BANP: variants seen among roughly 807,000 people sequenced by gnomAD.
BANP encodes BTG3 associated nuclear protein, also known as protein BANP.
Under a neutral mutation model 68.1 loss-of-function variants are expected in BANP, and 11 were observed. The observed-to-expected ratio is 0.16, with a 90% CI of 0.10 to 0.27. The LOEUF is 0.27. Ranked by LOEUF, BANP falls within the 10% of genes least tolerant of loss-of-function variation. The probability of loss-of-function intolerance (pLI) is 1.00; values close to 1 mark genes in which losing one functional copy is unlikely to be tolerated. For synonymous variants in BANP, 329 were observed against 303.2 expected (o/e 1.09, Z -0.88); for missense variants, 504 against 722.7 (o/e 0.70, Z 3.47).
intron 4 of BANP, among the ~76,000 whole-genome samples, chr16:87,996,578 G>T (rs1414385269): frequency 1.4e-5 from 2 of 146,548 alleles, no homozygotes; most frequent in Non-Finnish European, 3.0e-5. Context: ...TCTGAGTGTT[G>T]CTGGGCCCTC....
At chr16:88,024,824 A>AAT (rs1567790883) in intron 7 of BANP, among the ~76,000 whole-genome samples, 1 of 152,218 alleles carries the variant, frequency 6.6e-6, no homozygotes, top group East Asian at 1.9e-4. Context: ...TAACCAGATG[A>AAT]ATATATATTT....
At chr16:88,054,502 C>T (rs974226637) in intron 11 of BANP, among the ~76,000 whole-genome samples, 6 of 152,092 alleles carry the variant, frequency 3.9e-5, no homozygotes, top group African/African-American at 9.7e-5. Context: ...CACAGCATGA[C>T]CTCTACCACC....
intron 3 of BANP, among the ~76,000 whole-genome samples, chr16:87,983,548 G>T (rs1450786096): frequency 1.3e-5 from 2 of 152,062 alleles, no homozygotes; most frequent in South Asian, 4.2e-4. Flanking sequence ...CCACTAGGTG[G>T]CAAGCTTGCC....
At chr16:88,029,668 C>T (rs1159868039) in intron 8 of BANP, among the ~76,000 whole-genome samples, 1 of 150,968 alleles carries the variant, frequency 6.6e-6, no homozygotes, top group Non-Finnish European at 1.5e-5. Flanking sequence ...CTAGCAGGAA[C>T]CAGATTGAAT....
intron 7 of BANP, among the ~76,000 whole-genome samples, chr16:88,021,872 CTTAT>C (rs1488629312): frequency 1.3e-5 from 2 of 152,138 alleles, no homozygotes; most frequent in Non-Finnish European, 2.9e-5. Flanking sequence ...TAAGTTTCTC[CTTAT>C]TTGTCAGCAG....
chr16:87,962,239 CAAAA>C (rs10660621), intron 1 of BANP, among the ~76,000 whole-genome samples: 1 of 79,778 alleles, frequency 1.3e-5, no homozygotes, highest in Non-Finnish European at 2.3e-5. Flanking sequence ...GACTTGGTCT[CAAAA>C]AAAAAAAAAA....
At chr16:87,977,405 C>T (rs1386853014) in intron 2 of BANP, among the ~76,000 whole-genome samples, 2 of 143,914 alleles carry the variant, frequency 1.4e-5, no homozygotes, top group Middle Eastern at 3.3e-3. Flanking sequence ...GGCGACAGAG[C>T]GAGACTCCGT....
chr16:87,980,930 T>A, intron 2 of BANP, 106 bp from the exon 3 acceptor site: 1 of 739,712 alleles, frequency 1.4e-6, no homozygotes, highest in Non-Finnish European at 2.3e-6. Flanking sequence ...GTTCTGCTGT[T>A]TCTCCTTCAA....
intron 11 of BANP, among the ~76,000 whole-genome samples, chr16:88,042,403 C>T (rs145406591): frequency 0.12 from 18,108 of 152,250 alleles, 1,264 homozygotes; most frequent in South Asian, 0.33. Context: ...CCTCCAGGAG[C>T]GCTCACTTCC....
At chr16:88,025,967 C>A (rs138580630) in intron 7 of BANP, among the ~76,000 whole-genome samples, 1 of 152,240 alleles carries the variant, frequency 6.6e-6, no homozygotes. Context: ...TGCCCACATT[C>A]GTCATCGCTA....
intron 2 of BANP, among the ~76,000 whole-genome samples, chr16:87,979,932 A>C (rs1411029585): frequency 3.3e-5 from 5 of 152,270 alleles, no homozygotes; most frequent in South Asian, 2.1e-4. Context: ...CTCATCTCTT[A>C]AAAAACAAAA....
intron 7 of BANP, among the ~76,000 whole-genome samples, chr16:88,022,845 G>A (rs541504606): frequency 6.6e-6 from 1 of 152,294 alleles, no homozygotes; most frequent in Admixed American, 6.5e-5. Context: ...CTCTCCTTAT[G>A]AGGACAGTCA....
intron 2 of BANP, 166 bp downstream of exon 2, chr16:87,975,351 C>G: frequency 1.4e-6 from 1 of 700,230 alleles, no homozygotes. Flanking sequence ...CCTCCCTTCC[C>G]TCGCCCCTGC....
At chr16:88,034,484 T>A (rs2078877191) in intron 9 of BANP, among the ~76,000 whole-genome samples, 9 of 152,140 alleles carry the variant, frequency 5.9e-5, no homozygotes, top group African/African-American at 1.9e-4. Context: ...TTTTTTTGAA[T>A]CACATTTATT....
rs1296450602 is a variant in BANP, at chr16:88,071,864, A to C, written c.1378-205A>C. 1 of 717,464 alleles carries C rather than the reference A, an allele frequency of 1.4e-6. No individual in the cohort carries two copies. Among genetic ancestry groups the C allele is most frequent in the Middle Eastern group, 2.3e-4 (1 of 4,350 alleles). 44.4% of individuals were successfully genotyped at this position (717,464 alleles called of 1,614,324 possible). On this transcript the variant is annotated intron_variant, in intron 12 of 13. Coordinates refer to ENST00000682872, the MANE Select transcript of BANP (RefSeq NM_001386991.1). This position sits in a 1 kb window ranked among gnomAD's most constrained non-coding sequence, Gnocchi z 6.5. Reference sequence around the variant, plus strand: ...GCAGATCCAGCAGAGACTCGATGGCACTCTCTCACTGGATCTGATGCGACT... The same window carrying C: ...GCAGATCCAGCAGAGACTCGATGGCCCTCTCTCACTGGATCTGATGCGACT...
chr16:88,030,679 G>A (rs755366289), intron 8 of BANP, among the ~76,000 whole-genome samples: 1 of 152,234 alleles, frequency 6.6e-6, no homozygotes, highest in Non-Finnish European at 1.5e-5. Context: ...GGAGTAGACG[G>A]TGGTGCAACA....
At position 88,006,141 on chromosome 16, in the gene BANP, A is replaced by G. The variant is rs1219917904; in HGVS notation, c.531A>G (p.Gln177=). ...CCATTGTGGTGAAGGTGCCGGGCCA[A>G]GAAGACAGCCACCACGAGGACGGGG... ...QNTIVVKVPG[Q]EDSHHEDGES... Residue 177 remains glutamine (Q), a synonymous_variant, in exon 6 of 14, where the codon CAA becomes CAG. Coordinates refer to ENST00000682872, the MANE Select transcript of BANP (RefSeq NM_001386991.1). 6.2e-7 allele frequency: 1 copy of G among 1,613,986 alleles called. No individual in the cohort carries two copies. Among genetic ancestry groups the G allele is most frequent in the Non-Finnish European group, 8.5e-7 (1 of 1,180,002 alleles).
chr16:88,069,245 A>G (rs777591932), intron 12 of BANP, among the ~76,000 whole-genome samples: 1 of 152,178 alleles, frequency 6.6e-6, no homozygotes, highest in East Asian at 1.9e-4. Context: ...AGTTTATTTC[A>G]TGTCAGCAAA....
chr16:87,968,983 A>G (rs1321158962), intron 1 of BANP, among the ~76,000 whole-genome samples: 3 of 152,186 alleles, frequency 2.0e-5, no homozygotes, highest in African/African-American at 7.2e-5. Flanking sequence ...AGGCTGTTGT[A>G]GGTCTTCTGT....
Sources: gnomAD v4.1 joint callset for allele counts (sites outside exome capture counted in the v4.1 genomes callset) on GRCh38, gnomAD v4.1.1 for gene constraint, Gnocchi (gnomAD v3.1) non-coding constraint, MANE v1.5 for transcripts, NCBI Gene and HGNC (gene_info 2026-07-23, HGNC 2026-07-21) for gene names.